NTM: variants seen among roughly 807,000 people sequenced by gnomAD.
The protein encoded by NTM is neurotrimin, also known as IgLON family member 2.
NTM carries 13 observed loss-of-function variants against 42.1 expected under a neutral mutation model. The ratio of observed to expected loss-of-function variants is 0.31; its 90% CI spans 0.20 to 0.49. NTM has a LOEUF of 0.49. NTM is among the 20% of genes least tolerant of loss of function. NTM has a pLI of 0.99. For missense variants in NTM, 373 were observed against 452.8 expected (o/e 0.82, Z 1.60); for synonymous variants, 187 against 179.2 (o/e 1.04, Z -0.35).
intron 2 of NTM, among the ~76,000 whole-genome samples, chr11:131,944,465 C>T (rs2060140588): frequency 6.6e-6 from 1 of 152,214 alleles, no homozygotes; most frequent in Non-Finnish European, 1.5e-5. Flanking sequence ...CAGCTCATCT[C>T]AGCCTTGCTT....
intron 1 of NTM, among the ~76,000 whole-genome samples, chr11:131,848,123 T>A (rs143223793): frequency 3.0e-4 from 46 of 152,338 alleles, no homozygotes; most frequent in African/African-American, 1.1e-3. Context: ...TGGAATTTTA[T>A]TAAGGGGTTC....
intron 1 of NTM, among the ~76,000 whole-genome samples, chr11:131,394,429 A>G (rs914041715): frequency 1.3e-5 from 2 of 152,138 alleles, no homozygotes; most frequent in African/African-American, 4.8e-5. Context: ...CCTTTTGAGA[A>G]GTCAGAGCGA....
chr11:131,849,986 T>C (rs958391574), intron 1 of NTM, among the ~76,000 whole-genome samples: 1 of 151,436 alleles, frequency 6.6e-6, no homozygotes, highest in Admixed American at 6.6e-5. Context: ...ATAATAATAA[T>C]AATAATAATA....
chr11:132,057,083 A>G (rs1361229835), intron 2 of NTM, among the ~76,000 whole-genome samples: 1 of 152,234 alleles, frequency 6.6e-6, no homozygotes, highest in Admixed American at 6.5e-5. Flanking sequence ...ACTTAACACA[A>G]TTGAGGCAAA....
intron 1 of NTM, among the ~76,000 whole-genome samples, chr11:131,585,974 T>G (rs186059102): frequency 6.6e-6 from 1 of 152,244 alleles, no homozygotes; most frequent in Non-Finnish European, 1.5e-5. Context: ...TAAATGGGAT[T>G]GTGTTTACAA....
intron 2 of NTM, among the ~76,000 whole-genome samples, chr11:132,080,820 A>G (rs1193440660): frequency 6.6e-6 from 1 of 152,174 alleles, no homozygotes; most frequent in African/African-American, 2.4e-5. Flanking sequence ...CTTTTCTGAG[A>G]GGTTGCATGG....
intron 1 of NTM, among the ~76,000 whole-genome samples, chr11:131,482,383 A>C (rs1019466931): frequency 6.6e-6 from 1 of 152,246 alleles, no homozygotes; most frequent in Non-Finnish European, 1.5e-5. Context: ...TGAGACATAT[A>C]CATCATGCAT....
At chr11:132,153,343 A>G (rs2072407711) in intron 3 of NTM, among the ~76,000 whole-genome samples, 1 of 152,212 alleles carries the variant, frequency 6.6e-6, no homozygotes. Flanking sequence ...TCCCATTCCC[A>G]TATGAGAGTG....
intron 1 of NTM, among the ~76,000 whole-genome samples, chr11:131,503,734 G>A (rs12419018): frequency 0.045 from 6,908 of 152,030 alleles, 167 homozygotes; most frequent in Non-Finnish European, 0.052. Context: ...GTGTTGCTCA[G>A]CCTGGGCTCA....
intron 1 of NTM, among the ~76,000 whole-genome samples, chr11:131,421,616 G>A (rs1455545343): frequency 2.0e-5 from 3 of 152,194 alleles, no homozygotes; most frequent in Admixed American, 1.3e-4. Flanking sequence ...ATGACGGGGA[G>A]GTGACGTGGG....
intron 1 of NTM, among the ~76,000 whole-genome samples, chr11:131,741,187 G>C (rs1224613593): frequency 6.6e-6 from 1 of 151,546 alleles, no homozygotes; most frequent in Non-Finnish European, 1.5e-5. Flanking sequence ...GAGAGAGAGA[G>C]AGAGAGAGAG....
intron 6 of NTM, among the ~76,000 whole-genome samples, chr11:132,311,072 C>G (rs2095265998): frequency 6.6e-6 from 1 of 151,958 alleles, no homozygotes; most frequent in Non-Finnish European, 1.5e-5. Flanking sequence ...GTGGGGGAGG[C>G]CAGGAGGCTG....
At chr11:131,793,704 C>G (rs1283011131) in intron 1 of NTM, among the ~76,000 whole-genome samples, 1 of 152,160 alleles carries the variant, frequency 6.6e-6, no homozygotes, top group Non-Finnish European at 1.5e-5. Flanking sequence ...CTTCCCACCT[C>G]CCACCCTATT....
chr11:131,925,578 G>A (rs913744762), intron 2 of NTM, among the ~76,000 whole-genome samples: 26 of 151,898 alleles, frequency 1.7e-4, no homozygotes, highest in Non-Finnish European at 2.9e-4. Flanking sequence ...GAGAGACAGG[G>A]TTTCACCATG....
At chr11:131,783,689 GA>G (rs946733258) in intron 1 of NTM, among the ~76,000 whole-genome samples, 1 of 151,724 alleles carries the variant, frequency 6.6e-6, no homozygotes, top group Non-Finnish European at 1.5e-5. Flanking sequence ...ACAACTTCTA[GA>G]AAAAAAATAC....
intron 6 of NTM, among the ~76,000 whole-genome samples, chr11:132,313,120 A>T (rs1220828120): frequency 6.6e-6 from 1 of 152,152 alleles, no homozygotes; most frequent in Admixed American, 6.5e-5. Flanking sequence ...TTATTCTGTA[A>T]TCCCACAGAG....
rs540582842 is a variant in NTM, at chr11:131,676,062, C to G, written c.83-235502C>G. Among the ~76,000 whole-genome samples the G allele has an allele frequency of 4.6e-5, 7 of 152,298 alleles. No homozygotes were observed. The East Asian group carries it at 1.2e-3, about 25-fold the overall frequency. On this transcript the variant is annotated intron_variant, in intron 1 of 8. Transcript: ENST00000683400. ...AGGTCCATGTCACCATGGGACTGGA[C>G]TGACATTTAGCCAGATTTTGAAATG... is the stretch of plus-strand genomic sequence containing the variant.
intron 1 of NTM, among the ~76,000 whole-genome samples, chr11:131,410,563 T>A (rs1222975947): frequency 1.4e-5 from 2 of 138,134 alleles, no homozygotes; most frequent in Non-Finnish European, 3.1e-5. Context: ...ACAGAGGAAG[T>A]CATTTCGGTG....
At chr11:132,320,231 A>G (rs1460133277) in intron 7 of NTM, among the ~76,000 whole-genome samples, 1 of 152,236 alleles carries the variant, frequency 6.6e-6, no homozygotes, top group Non-Finnish European at 1.5e-5. Flanking sequence ...GCGACGCAGA[A>G]GATGGGTGAT....
Sources: gnomAD v4.1 joint callset for allele counts (sites outside exome capture counted in the v4.1 genomes callset) on GRCh38, gnomAD v4.1.1 for gene constraint, MANE v1.5 for transcripts, NCBI Gene and HGNC (gene_info 2026-07-23, HGNC 2026-07-21) for gene names.